CAMK1D: variants seen among roughly 807,000 people sequenced by gnomAD.
CAMK1D encodes calcium/calmodulin-dependent protein kinase type 1D.
A neutral mutation model predicts 47.7 loss-of-function variants in CAMK1D; 9 were observed. The observed-to-expected ratio is 0.19, with a 90% CI of 0.11 to 0.33. The LOEUF is 0.33. Among genes scored for constraint, CAMK1D ranks in the 10% least tolerant of loss-of-function variants. The pLI is 1.00. For synonymous variants in CAMK1D, 184 were observed against 184.9 expected (o/e 0.99, Z 0.04); for missense variants, 291 against 488.7 (o/e 0.60, Z 3.81).
chr10:12,505,178 G>A (rs1488701263), intron 1 of CAMK1D, among the ~76,000 whole-genome samples: 1 of 152,178 alleles, frequency 6.6e-6, no homozygotes, highest in Admixed American at 6.5e-5. Context: ...AGCAGTCTAA[G>A]AGAAAAGAGG....
rs956284129 is a variant in CAMK1D, at chr10:12,552,889, G to A, written c.93-336G>A. Among the ~76,000 whole-genome samples, 7 of 152,180 alleles carry A rather than the reference G, an allele frequency of 4.6e-5. No individual in the cohort carries two copies. In the East Asian group the frequency reaches 7.7e-4, roughly 17 times the overall value. ...CCCAAGTAGCTGGAATTACAGGTGC[G>A]TGCCACCACCTCTGGCTAATTTTTT... is the stretch of plus-strand genomic sequence containing the variant. On this transcript the variant is annotated intron_variant, in intron 1 of 10. Transcript: ENST00000619168.
intron 2 of CAMK1D, among the ~76,000 whole-genome samples, chr10:12,627,306 G>A (rs991526951): frequency 1.1e-4 from 16 of 151,754 alleles, no homozygotes; most frequent in Admixed American, 6.6e-4. Flanking sequence ...GGATGGTCGC[G>A]ATCTCCCTGA....
At chr10:12,360,961 C>G (rs992310284) in intron 1 of CAMK1D, among the ~76,000 whole-genome samples, 3 of 152,152 alleles carry the variant, frequency 2.0e-5, no homozygotes, top group Non-Finnish European at 4.4e-5. Flanking sequence ...TCCACGTCAC[C>G]AGGAAAAATT....
chr10:12,433,121 G>C (rs924211162), intron 1 of CAMK1D, among the ~76,000 whole-genome samples: 1 of 152,206 alleles, frequency 6.6e-6, no homozygotes, highest in Non-Finnish European at 1.5e-5. Flanking sequence ...CAGGTGCTCG[G>C]TCAGGTTTCC....
chr10:12,691,735 GC>G (rs1832939434), intron 3 of CAMK1D, among the ~76,000 whole-genome samples: 1 of 151,908 alleles, frequency 6.6e-6, no homozygotes, highest in Non-Finnish European at 1.5e-5. Flanking sequence ...ACAAGCATGA[GC>G]CACCGCATCT....
At chr10:12,411,442 A>G (rs1221500024) in intron 1 of CAMK1D, among the ~76,000 whole-genome samples, 2 of 152,170 alleles carry the variant, frequency 1.3e-5, no homozygotes, top group Non-Finnish European at 2.9e-5. Context: ...CTCCCAGCAC[A>G]GGAGTGGGAG....
chr10:12,781,565 A>G (rs1051567203), intron 5 of CAMK1D, among the ~76,000 whole-genome samples: 3 of 152,050 alleles, frequency 2.0e-5, no homozygotes, highest in East Asian at 1.9e-4. Flanking sequence ...ACATACCAGT[A>G]TGGTGCTTTC....
At chr10:12,789,641 C>T (rs2130993440) in intron 5 of CAMK1D, among the ~76,000 whole-genome samples, 1 of 152,144 alleles carries the variant, frequency 6.6e-6, no homozygotes, top group African/African-American at 2.4e-5. Flanking sequence ...ACGCCACATT[C>T]CCACTGGGTA....
At chr10:12,486,109 A>G (rs1265943633) in intron 1 of CAMK1D, among the ~76,000 whole-genome samples, 2 of 152,004 alleles carry the variant, frequency 1.3e-5, no homozygotes, top group Non-Finnish European at 2.9e-5. Context: ...CATGCAGTGC[A>G]CACACACACG....
At chr10:12,537,585 C>T (rs145029911) in intron 1 of CAMK1D, among the ~76,000 whole-genome samples, 5 of 152,266 alleles carry the variant, frequency 3.3e-5, no homozygotes, top group South Asian at 4.1e-4. Context: ...TTAATATGCT[C>T]GTTGGCCATT....
chr10:12,551,909 A>G (rs1836595736), intron 1 of CAMK1D, among the ~76,000 whole-genome samples: 1 of 152,222 alleles, frequency 6.6e-6, no homozygotes, highest in South Asian at 2.1e-4. Context: ...TGGTATTGCC[A>G]TAACACTGGG....
chr10:12,379,149 G>A (rs1838272331), intron 1 of CAMK1D, among the ~76,000 whole-genome samples: 1 of 152,048 alleles, frequency 6.6e-6, no homozygotes, highest in Non-Finnish European at 1.5e-5. Context: ...AAATCTTTGA[G>A]GTACTATTTT....
In CAMK1D at chr10:12,641,005, C is replaced by A. The variant is rs1247910946; in HGVS notation, c.225-25731C>A. On this transcript the variant is annotated intron_variant, in intron 2 of 10. Coordinates refer to ENST00000619168, the MANE Select transcript of CAMK1D (RefSeq NM_153498.4). ...ACAGAATCCCACCTTGTTGCCCAGG[C>A]TGGAGTGCAGTGGTGTGATCTTGGC... 2.0e-5 allele frequency among the ~76,000 whole-genome samples: 3 copies of A among 152,238 alleles called. No homozygotes were observed. In the East Asian group the frequency reaches 5.8e-4, roughly 29 times the overall value.
intron 1 of CAMK1D, among the ~76,000 whole-genome samples, chr10:12,490,218 G>T (rs1191073006): frequency 6.6e-6 from 1 of 152,154 alleles, no homozygotes; most frequent in Admixed American, 6.6e-5. Context: ...TCACTTGTAG[G>T]GTCTTCCCCT....
intron 2 of CAMK1D, among the ~76,000 whole-genome samples, chr10:12,606,901 C>T (rs936214376): frequency 3.9e-5 from 6 of 152,044 alleles, no homozygotes; most frequent in Non-Finnish European, 2.9e-5. Flanking sequence ...AGTCTCAGCT[C>T]ACTGCAACCT....
At chr10:12,462,800 T>A (rs1442977226) in intron 1 of CAMK1D, among the ~76,000 whole-genome samples, 1 of 152,032 alleles carries the variant, frequency 6.6e-6, no homozygotes, top group East Asian at 1.9e-4. Flanking sequence ...CAAGCAATCC[T>A]CCCATCTCAG....
chr10:12,781,530 C>G (rs1837491781), intron 5 of CAMK1D, among the ~76,000 whole-genome samples: 1 of 143,452 alleles, frequency 7.0e-6, no homozygotes, highest in African/African-American at 2.5e-5. Context: ...AAACAGCAGT[C>G]CCAGCTCAGA....
chr10:12,555,434 G>T (rs2815628), intron 2 of CAMK1D, among the ~76,000 whole-genome samples: 3 of 152,050 alleles, frequency 2.0e-5, no homozygotes, highest in African/African-American at 4.8e-5. Flanking sequence ...TAGTTTGGTC[G>T]TTTCTAGGTT....
chr10:12,798,862 A>G lies in CAMK1D; in HGVS notation c.641+7629A>G, dbSNP rs555014395. 2.0e-5 allele frequency among the ~76,000 whole-genome samples: 3 copies of G among 152,310 alleles called. No homozygotes were observed. The South Asian group carries it at 6.2e-4, about 32-fold the overall frequency. On this transcript the variant is annotated intron_variant, in intron 6 of 10. Coordinates refer to ENST00000619168, the MANE Select transcript of CAMK1D (RefSeq NM_153498.4). ...AGGACACTGTGCACACAGAAGAATC[A>G]GGGGCTCTTTATTATGGTTTTATAT...
Sources: gnomAD v4.1 joint callset for allele counts (sites outside exome capture counted in the v4.1 genomes callset) on GRCh38, gnomAD v4.1.1 for gene constraint, MANE v1.5 for transcripts, NCBI Gene and HGNC (gene_info 2026-07-23, HGNC 2026-07-21) for gene names.